The following MEAK7 variants were observed in gnomAD, a reference collection of about 807,000 sequenced individuals.
The protein encoded by MEAK7 is MTOR associated protein MEAK7, also known as MTOR-associated protein MEAK7.
Under a neutral mutation model 40.5 loss-of-function variants are expected in MEAK7, and 68 were observed. The observed-to-expected ratio is 1.68, with a 90% CI of 1.38 to 2.06. The LOEUF is 2.06. Among genes scored for constraint, MEAK7 ranks in the 30% most tolerant of loss-of-function variants. MEAK7 has a pLI of 0.00. For synonymous variants in MEAK7, 338 were observed against 231.9 expected, an observed-to-expected ratio of 1.46 and a Z score of -4.16; for missense variants, 918 against 580.5, an observed-to-expected ratio of 1.58 and a Z score of -5.98.
intron 1 of MEAK7, among the ~76,000 whole-genome samples, chr16:84,499,156 G>T (rs1306356772): frequency 1.3e-5 from 2 of 152,192 alleles, no homozygotes; most frequent in African/African-American, 2.4e-5. Context: ...CTTGTTCACT[G>T]TCACAAACCT....
chr16:84,489,252 G>A (rs1913353667), intron 4 of MEAK7, 26 bp downstream of exon 4: 1 of 1,610,576 alleles, frequency 6.2e-7, no homozygotes, highest in Admixed American at 1.7e-5. Flanking sequence ...CAAAAGACCT[G>A]CATCACCGCG....
In MEAK7 at chr16:84,498,077, T is replaced by A; in HGVS notation, c.10A>T (p.Ser4Cys). 6.2e-7 allele frequency: 1 copy of A among 1,611,258 alleles called. No homozygotes were observed. The highest frequency in any genetic ancestry group is 8.5e-7 in the Non-Finnish European group (1 of 1,178,438). The change falls in exon 2 of 8, where the codon AGC (serine) becomes TGC (cysteine). Residue 4 changes from serine to cysteine, a missense_variant. Coordinates refer to ENST00000343629, the MANE Select transcript of MEAK7 (RefSeq NM_020947.4). ...AAGCTCCGCCCCACACGGCTTCTGC[T>A]GTTCCCCATCTGTCCTGATATCTGG... MGNSRSRVGRSFCS... is the reference protein window; with the variant it reads MGNCRSRVGRSFCS...
chr16:84,499,607 C>G (rs1417779194), intron 1 of MEAK7, among the ~76,000 whole-genome samples: 1 of 152,120 alleles, frequency 6.6e-6, no homozygotes, highest in Non-Finnish European at 1.5e-5. Context: ...CTCACAGATC[C>G]AAAACATGTT....
intron 5 of MEAK7, among the ~76,000 whole-genome samples, chr16:84,484,655 G>C (rs1167384002): frequency 6.6e-6 from 1 of 152,170 alleles, no homozygotes; most frequent in Non-Finnish European, 1.5e-5. Flanking sequence ...CAAGGAGGTG[G>C]CCACCCTCCC....
At chr16:84,480,842 T>G in intron 6 of MEAK7, 134 bp from the exon 7 acceptor site, 1 of 966,694 alleles carries the variant, frequency 1.0e-6, no homozygotes, top group African/African-American at 1.7e-5. Flanking sequence ...TGCCATCATC[T>G]TGTTTTCCTT....
intron 6 of MEAK7, among the ~76,000 whole-genome samples, chr16:84,480,962 GC>G (rs1912483985): frequency 6.6e-6 from 1 of 152,180 alleles, no homozygotes; most frequent in Non-Finnish European, 1.5e-5. Context: ...AAGAAGATTT[GC>G]TGGCTGAAAG....
chr16:84,497,519 G>C (rs1472603727), intron 2 of MEAK7: 1 of 1,290,424 alleles, frequency 7.7e-7, no homozygotes, highest in Admixed American at 2.3e-5. Flanking sequence ...ATCTCTGGGA[G>C]GGCAGTCAGG....
chr16:84,491,940 C>T (rs1182231685), intron 3 of MEAK7, among the ~76,000 whole-genome samples: 1 of 152,014 alleles, frequency 6.6e-6, no homozygotes, highest in Non-Finnish European at 1.5e-5. Context: ...AGTCCTTTTG[C>T]TGTTAAGTTA....
At chr16:84,490,207 G>C (rs9933653) in intron 3 of MEAK7, among the ~76,000 whole-genome samples, 3,665 of 151,468 alleles carry the variant, frequency 0.024, 170 homozygotes, top group African/African-American at 0.084. Flanking sequence ...ACCTGACTTG[G>C]TCAAATCCGA....
At chr16:84,489,824 A>T (rs773826391) in intron 3 of MEAK7, among the ~76,000 whole-genome samples, 1 of 152,182 alleles carries the variant, frequency 6.6e-6, no homozygotes, top group Non-Finnish European at 1.5e-5. Context: ...ACTTGCTTCC[A>T]AAAAGGAAGG....
intron 3 of MEAK7, among the ~76,000 whole-genome samples, chr16:84,493,849 A>G (rs1913828362): frequency 6.6e-6 from 1 of 152,176 alleles, no homozygotes; most frequent in Admixed American, 6.5e-5. Context: ...AAGCCACTGG[A>G]CAAACTGGCC....
chr16:84,494,254 A>T (rs980457475), intron 3 of MEAK7, among the ~76,000 whole-genome samples: 2 of 152,214 alleles, frequency 1.3e-5, no homozygotes, highest in African/African-American at 4.8e-5. Context: ...GTCTTTAATG[A>T]AAGTGGGGAA....
intron 1 of MEAK7, among the ~76,000 whole-genome samples, chr16:84,501,448 G>C (rs1347050939): frequency 6.6e-6 from 1 of 152,128 alleles, no homozygotes; most frequent in Non-Finnish European, 1.5e-5. Flanking sequence ...CCCCCACTGT[G>C]GTCGGAGAAC....
chr16:84,482,449 G>C, intron 6 of MEAK7, 143 bp downstream of exon 6: 2 of 1,387,218 alleles, frequency 1.4e-6, no homozygotes, highest in Non-Finnish European at 2.0e-6. Flanking sequence ...ACCGGCCCTG[G>C]AAACAGAAGG....
intron 3 of MEAK7, among the ~76,000 whole-genome samples, chr16:84,491,367 C>A (rs4782982): frequency 0.43 from 65,158 of 151,716 alleles, 14,703 homozygotes; most frequent in South Asian, 0.6. Context: ...ATGAGACCCC[C>A]GTCTCTACTA....
intron 1 of MEAK7, among the ~76,000 whole-genome samples, chr16:84,500,956 A>G (rs963669794): frequency 6.6e-6 from 1 of 152,098 alleles, no homozygotes; most frequent in African/African-American, 2.4e-5. Context: ...TTAGCCAGGC[A>G]TGGTGCTGTG....
Position 84,495,748 on chromosome 16 carries a change from T to G in MEAK7, c.319A>C (p.Ser107Arg). 1 of 1,613,804 alleles carries G rather than the reference T, an allele frequency of 6.2e-7. No individual in the cohort carries two copies. Among genetic ancestry groups the G allele is most frequent in the South Asian group, 1.1e-5 (1 of 91,058 alleles). The change falls in exon 3 of 8, where the codon AGT becomes CGT. Residue 107 changes from serine to arginine, a missense_variant. Physicochemically the swap from Ser to Arg is moderately radical, Grantham distance 110. Transcript: ENST00000343629. ...GAAATCATTTTCATAATCATGAGAC[T>G]CTTCTCCTCGGAGTTTCCTTTCAAC... ...HLLKGNSEEK[S>R]LMIMKMISAT... is the part of the protein sequence containing the mutation.
intron 1 of MEAK7, among the ~76,000 whole-genome samples, chr16:84,498,893 T>G (rs1440880661): frequency 6.6e-6 from 1 of 152,206 alleles, no homozygotes; most frequent in Non-Finnish European, 1.5e-5. Context: ...TGGCTCTGCC[T>G]CCTCCTAGCT....
chr16:84,499,143 G>A (rs940328956), intron 1 of MEAK7, among the ~76,000 whole-genome samples: 2 of 152,170 alleles, frequency 1.3e-5, no homozygotes, highest in African/African-American at 4.8e-5. Context: ...GGTGACCTGG[G>A]GCCTTGTTCA....
Sources: allele counts gnomAD v4.1 joint callset (sites outside exome capture counted in the v4.1 genomes callset), GRCh38; gene constraint gnomAD v4.1.1; transcripts MANE v1.5; gene names NCBI Gene and HGNC (gene_info 2026-07-23, HGNC 2026-07-21).